UNC13C: variants seen among roughly 807,000 people sequenced by gnomAD.
The protein encoded by UNC13C is unc-13 homolog C, also known as protein unc-13 homolog C.
In UNC13C, 174 loss-of-function variants were observed where a neutral mutation model predicts 245.4. The observed-to-expected ratio is 0.71, with a 90% CI of 0.63 to 0.80. The LOEUF (loss-of-function observed/expected upper bound fraction) is 0.80. UNC13C is among the 30% of genes least tolerant of loss of function. The probability of loss-of-function intolerance (pLI) is 0.00; values close to 1 mark genes in which losing one functional copy is unlikely to be tolerated. For missense variants in UNC13C, 2,829 were observed against 2,602.9 expected, an observed-to-expected ratio of 1.09 and a Z score of -1.89; for synonymous variants, 992 against 895.1, an observed-to-expected ratio of 1.11 and a Z score of -1.93.
the UNC13C span, among the ~76,000 whole-genome samples, chr15:53,860,291 A>T: frequency 6.6e-6 from 1 of 152,200 alleles, no homozygotes; most frequent in African/African-American, 2.4e-5. Flanking sequence ...AATATTTTAC[A>T]GGTTGCTTTT....
At chr15:53,967,305 G>A in the UNC13C span, among the ~76,000 whole-genome samples, 54 of 148,552 alleles carry the variant, frequency 3.6e-4, no homozygotes, top group East Asian at 8.7e-3. Context: ...TATAAAATGA[G>A]TTTTTAAGAG....
chr15:54,248,655 C>T (rs1349631054), intron 7 of UNC13C, among the ~76,000 whole-genome samples: 3 of 152,112 alleles, frequency 2.0e-5, no homozygotes, highest in Non-Finnish European at 4.4e-5. Context: ...TCTGAATAAA[C>T]CCTAATATTA....
chr15:53,873,152 G>A, the UNC13C span, among the ~76,000 whole-genome samples: 1 of 151,574 alleles, frequency 6.6e-6, no homozygotes, highest in Non-Finnish European at 1.5e-5. Flanking sequence ...TTTTTTTAGT[G>A]GCTATTGTTG....
intron 17 of UNC13C, among the ~76,000 whole-genome samples, chr15:54,375,221 C>G (rs1280111251): frequency 6.6e-6 from 1 of 152,222 alleles, no homozygotes; most frequent in South Asian, 2.1e-4. Flanking sequence ...TGCAGCCTCT[C>G]ATTCAGTGCC....
At chr15:54,436,353 A>G (rs2140983250) in intron 19 of UNC13C, among the ~76,000 whole-genome samples, 1 of 152,158 alleles carries the variant, frequency 6.6e-6, no homozygotes, top group Middle Eastern at 3.4e-3. Flanking sequence ...ATAAAGACAC[A>G]TGCACATGTA....
the UNC13C span, among the ~76,000 whole-genome samples, chr15:53,953,268 C>T: frequency 6.6e-6 from 1 of 152,176 alleles, no homozygotes; most frequent in Non-Finnish European, 1.5e-5. Flanking sequence ...ACTCTTGAAT[C>T]CTGAGGGAAA....
the UNC13C span, among the ~76,000 whole-genome samples, chr15:53,850,491 G>A: frequency 6.6e-6 from 1 of 152,010 alleles, no homozygotes; most frequent in Non-Finnish European, 1.5e-5. Context: ...TCCCACTTAA[G>A]TTCTTTAAAA....
chr15:54,184,745 T>C (rs2033917201), intron 4 of UNC13C, among the ~76,000 whole-genome samples: 2 of 152,224 alleles, frequency 1.3e-5, no homozygotes, highest in Admixed American at 6.5e-5. Flanking sequence ...CATGTGTCTT[T>C]ATAGCAGCAT....
intron 28 of UNC13C, among the ~76,000 whole-genome samples, chr15:54,552,622 T>G (rs1199064247): frequency 1.4e-5 from 1 of 70,836 alleles, no homozygotes; most frequent in African/African-American, 7.0e-5. Context: ...ATAATTATAT[T>G]ATATATTGTA....
At chr15:54,286,727 A>G (rs1010618581) in intron 10 of UNC13C, among the ~76,000 whole-genome samples, 1 of 152,208 alleles carries the variant, frequency 6.6e-6, no homozygotes, top group African/African-American at 2.4e-5. Flanking sequence ...GATGACTGCC[A>G]AAAGGAAATT....
chr15:54,087,016 G>C (rs1450023026), intron 2 of UNC13C, among the ~76,000 whole-genome samples: 1 of 151,946 alleles, frequency 6.6e-6, no homozygotes, highest in Non-Finnish European at 1.5e-5. Flanking sequence ...TTACAGACGT[G>C]AGCCACTGCA....
At chr15:54,503,885 T>C (rs796216947) in intron 22 of UNC13C, among the ~76,000 whole-genome samples, 21 of 152,176 alleles carry the variant, frequency 1.4e-4, no homozygotes, top group African/African-American at 4.8e-4. Context: ...GGGATTTATA[T>C]TGATTTAAAC....
chr15:54,252,393 T>C (rs893165703), intron 8 of UNC13C, among the ~76,000 whole-genome samples: 7 of 152,152 alleles, frequency 4.6e-5, no homozygotes, highest in Non-Finnish European at 1.0e-4. Flanking sequence ...ATGTTATTCA[T>C]TAAAATGCAC....
chr15:54,497,721 C>T (rs1894020834), intron 20 of UNC13C, among the ~76,000 whole-genome samples: 1 of 152,090 alleles, frequency 6.6e-6, no homozygotes, highest in Non-Finnish European at 1.5e-5. Context: ...CAGCAGTAAC[C>T]ACCTTCTGAT....
the UNC13C span, among the ~76,000 whole-genome samples, chr15:53,871,358 C>T: frequency 2.6e-5 from 4 of 152,198 alleles, no homozygotes; most frequent in Admixed American, 2.6e-4. Flanking sequence ...CTCCCCCTGA[C>T]TAACTTCTCC....
At chr15:54,573,881 C>T (rs57288300) in intron 30 of UNC13C, among the ~76,000 whole-genome samples, 1,863 of 152,222 alleles carry the variant, frequency 0.012, 37 homozygotes, top group African/African-American at 0.039. Flanking sequence ...TAATCTAACA[C>T]AGGCTGAAAA....
At chr15:54,576,800 A>G (rs1458291084) in intron 30 of UNC13C, among the ~76,000 whole-genome samples, 1 of 151,868 alleles carries the variant, frequency 6.6e-6, no homozygotes, top group Non-Finnish European at 1.5e-5. Flanking sequence ...ATAATTGGCA[A>G]CCCTCTCTTC....
intron 4 of UNC13C, among the ~76,000 whole-genome samples, chr15:54,157,731 G>A (rs1402542900): frequency 1.3e-5 from 2 of 152,122 alleles, no homozygotes; most frequent in African/African-American, 4.8e-5. Context: ...AAAACAGCAT[G>A]GTACTGGTAT....
chr15:54,305,507 GA>G (rs35489072), intron 13 of UNC13C, among the ~76,000 whole-genome samples: 37 of 149,780 alleles, frequency 2.5e-4, no homozygotes, highest in Admixed American at 1.1e-3. Context: ...TAACTCAACT[GA>G]AAAAAAAACT....
Sources: gnomAD v4.1 joint callset for allele counts (sites outside exome capture counted in the v4.1 genomes callset) on GRCh38, gnomAD v4.1.1 for gene constraint, MANE v1.5 for transcripts, NCBI Gene and HGNC (gene_info 2026-07-23, HGNC 2026-07-21) for gene names.